The following ANKRD30B variants were observed in gnomAD, a reference collection of about 807,000 sequenced individuals.
ANKRD30B encodes the protein ankyrin repeat domain-containing protein 30B.
ANKRD30B carries 144 observed loss-of-function variants against 202.2 expected under a neutral mutation model. The ratio of observed to expected loss-of-function variants is 0.71; its 90% CI spans 0.62 to 0.82. The LOEUF (loss-of-function observed/expected upper bound fraction) is 0.82, where lower values mean the gene tolerates loss of function less well. ANKRD30B is among the 40% of genes least tolerant of loss of function. The pLI is 0.00. For synonymous variants in ANKRD30B, 508 were observed against 561.3 expected, an observed-to-expected ratio of 0.91 and a Z score of 1.34; for missense variants, 1,487 against 1,669.1, an observed-to-expected ratio of 0.89 and a Z score of 1.90.
At chr18:14,821,878 A>G (rs578092014) in intron 30 of ANKRD30B, among the ~76,000 whole-genome samples, 1 of 152,350 alleles carries the variant, frequency 6.6e-6, no homozygotes, top group South Asian at 2.1e-4. Flanking sequence ...CAGAGGTTCA[A>G]AAATAAATAT....
At position 14,787,255 on chromosome 18, in the gene ANKRD30B, C is replaced by T. The variant is rs368406623; in HGVS notation, c.1734+155C>T. ...ATACGCTTAATAGAGAATATATGTG[C>T]TAAGTAGATTACCACTTCATGGTGA... On this transcript the variant is annotated intron_variant, in intron 15 of 43. Coordinates refer to ENST00000690538, the MANE Select transcript of ANKRD30B (RefSeq NM_001367607.2). 8.2e-4 allele frequency among the ~76,000 whole-genome samples: 124 copies of T among 152,112 alleles called. 1 individual carries two copies. The highest frequency in any genetic ancestry group is 3.4e-3 in the Middle Eastern group (1 of 292).
intron 32 of ANKRD30B, chr18:14,825,105 A>C (rs2144130766): frequency 6.6e-6 from 1 of 152,292 alleles, no homozygotes; most frequent in Non-Finnish European, 1.5e-5. Context: ...TCGCCTGAAC[A>C]ATTTCCCCCG....
At chr18:14,841,254 T>C (rs1332891862) in intron 37 of ANKRD30B, among the ~76,000 whole-genome samples, 1 of 152,230 alleles carries the variant, frequency 6.6e-6, no homozygotes, top group African/African-American at 2.4e-5. Context: ...ACACTCAGTA[T>C]AGACGAGAAG....
chr18:14,748,710 T>C lies in ANKRD30B; in HGVS notation c.221+70T>C, dbSNP rs1478095335. The C allele has an allele frequency of 5.0e-5, 71 of 1,412,294 alleles. No individual in the cohort carries two copies. In the East Asian group the frequency reaches 1.8e-3, roughly 35 times the overall value. The allele number at this position is 1,412,294 out of a possible 1,614,324, so 87.5% of individuals were successfully genotyped here. On this transcript the variant is annotated intron_variant, in intron 1 of 43. Transcript: ENST00000690538. ...CTGTGGGAGGATCGCCCCTTCAGAG[T>C]GGTGGCTGGGGGTCCTGGGGACGAG...
chr18:14,921,612 T>C, the ANKRD30B span, among the ~76,000 whole-genome samples: 1 of 151,506 alleles, frequency 6.6e-6, no homozygotes, highest in African/African-American at 2.4e-5. Flanking sequence ...TATGAAAAAA[T>C]ACTAGACAAA....
intron 4 of ANKRD30B, among the ~76,000 whole-genome samples, chr18:14,755,971 A>T (rs1382932878): frequency 1.2e-4 from 19 of 152,222 alleles, no homozygotes; most frequent in Non-Finnish European, 2.2e-4. Context: ...TCCCTGAGGA[A>T]TCGCCACACC....
At chr18:14,914,386 G>T in the ANKRD30B span, among the ~76,000 whole-genome samples, 1 of 152,194 alleles carries the variant, frequency 6.6e-6, no homozygotes, top group Non-Finnish European at 1.5e-5. Context: ...TGACTAGGTA[G>T]CCTGCTTTAA....
chr18:14,798,266 T>G (rs544620455), intron 20 of ANKRD30B, among the ~76,000 whole-genome samples: 1 of 151,798 alleles, frequency 6.6e-6, no homozygotes, highest in East Asian at 1.9e-4. Flanking sequence ...GGTGGGTTAA[T>G]GAGGGATTTA....
In ANKRD30B at chr18:14,851,234, A is replaced by T. The variant is rs377004470; in HGVS notation, c.3565-275A>T. 1.7e-3 allele frequency among the ~76,000 whole-genome samples: 228 copies of T among 134,368 alleles called. 4 individuals are homozygous for T. In the East Asian group the frequency reaches 0.027, roughly 16 times the overall value. 88.2% of individuals were successfully genotyped at this position (134,368 alleles called of 152,430 possible). The stretch of plus-strand genomic sequence containing the variant: ...CTTTTGAGCTTGTTGTAATTCAGGG[A>T]AAGTTTTTTTTTTTTTTCAATTCTG... On this transcript the variant is annotated intron_variant, in intron 41 of 43. Coordinates refer to ENST00000690538, the MANE Select transcript of ANKRD30B (RefSeq NM_001367607.2).
chr18:14,888,975 A>C, the ANKRD30B span: 2 of 584,726 alleles, frequency 3.4e-6, no homozygotes, highest in Admixed American at 7.0e-5. Context: ...AAGAGTAAGC[A>C]GGTAATATTT....
At chr18:14,936,089 C>T in the ANKRD30B span, among the ~76,000 whole-genome samples, 2 of 152,216 alleles carry the variant, frequency 1.3e-5, no homozygotes, top group African/African-American at 4.8e-5. Flanking sequence ...GGGTAGGCTG[C>T]AGTGTTGCAA....
chr18:14,788,515 G>C (rs2143904984), intron 15 of ANKRD30B, among the ~76,000 whole-genome samples: 1 of 152,216 alleles, frequency 6.6e-6, no homozygotes, highest in Non-Finnish European at 1.5e-5. Context: ...TTTAGCATTA[G>C]TTATATCTCC....
intron 12 of ANKRD30B, 100 bp from the exon 13 acceptor site, chr18:14,784,236 A>C: frequency 3.3e-6 from 4 of 1,226,288 alleles, no homozygotes; most frequent in Non-Finnish European, 4.7e-6. Flanking sequence ...TCATTCTCAA[A>C]GTCAACCAAG....
chr18:14,845,473 T>A (rs1971598714), intron 39 of ANKRD30B, among the ~76,000 whole-genome samples: 1 of 151,894 alleles, frequency 6.6e-6, no homozygotes, highest in Non-Finnish European at 1.5e-5. Flanking sequence ...TAATATTACC[T>A]TGTATTTTTA....
chr18:14,851,682 A>T lies in ANKRD30B; in HGVS notation c.3738A>T (p.Gln1246His). 1 of 1,610,762 alleles carries T rather than the reference A, an allele frequency of 6.2e-7. No individual in the cohort carries two copies. The highest frequency in any genetic ancestry group is 8.5e-7 in the Non-Finnish European group (1 of 1,178,732). The change falls in exon 42 of 44, where the codon CAA becomes CAT. Residue 1246 changes from glutamine to histidine, a missense_variant. Physicochemically the swap from Gln to His is conservative, Grantham distance 24. This residue lies in a region of ANKRD30B where 177 missense variants were observed against 216.4 expected (regional missense o/e 0.82). Transcript: ENST00000690538. ...KILQEKNAEL[Q>H]MTLKLKQKTV... The stretch of plus-strand genomic sequence containing the variant: ...TACAAGAAAAGAATGCTGAACTTCA[A>T]ATGACCCTAAAACTGAAACAGAAAA...
the ANKRD30B span, among the ~76,000 whole-genome samples, chr18:14,889,181 AG>A: frequency 6.6e-6 from 1 of 151,750 alleles, no homozygotes; most frequent in South Asian, 2.1e-4. Context: ...CTTTAAAATT[AG>A]GACCTATTTC....
At chr18:14,837,879 G>T (rs1311161241) in intron 36 of ANKRD30B, among the ~76,000 whole-genome samples, 7 of 152,178 alleles carry the variant, frequency 4.6e-5, no homozygotes, top group Non-Finnish European at 1.0e-4. Context: ...AGCTGGGCAT[G>T]GTGGCGGGCA....
chr18:14,810,074 A>G (rs1158778141), intron 27 of ANKRD30B, 34 bp from the exon 28 acceptor site: 3 of 1,466,946 alleles, frequency 2.0e-6, no homozygotes, highest in Non-Finnish European at 2.8e-6. Context: ...AGTATACATT[A>G]TCTATTAATT....
intron 20 of ANKRD30B, among the ~76,000 whole-genome samples, chr18:14,798,629 C>G (rs189226947): frequency 6.6e-5 from 10 of 152,236 alleles, no homozygotes; most frequent in African/African-American, 2.4e-4. Flanking sequence ...ACTATCTTAT[C>G]CATATGGACA....
Sources: gnomAD v4.1 joint callset for allele counts (sites outside exome capture counted in the v4.1 genomes callset) on GRCh38, gnomAD v4.1.1 for gene constraint, gnomAD v4.1.1 regional missense constraint, MANE v1.5 for transcripts, NCBI Gene and HGNC (gene_info 2026-07-23, HGNC 2026-07-21) for gene names.